TBL1XR1: variants seen among roughly 807,000 people sequenced by gnomAD.
The protein encoded by TBL1XR1 is F-box-like/WD repeat-containing protein TBL1XR1.
Under a neutral mutation model 66.9 loss-of-function variants are expected in TBL1XR1, and 5 were observed. The ratio of observed to expected loss-of-function variants is 0.07; its 90% CI spans 0.04 to 0.16. The LOEUF (loss-of-function observed/expected upper bound fraction) is 0.16, where lower values mean the gene tolerates loss of function less well. Ranked by LOEUF, TBL1XR1 falls within the 10% of genes least tolerant of loss-of-function variation. The probability of loss-of-function intolerance (pLI) is 1.00; values close to 1 mark genes in which losing one functional copy is unlikely to be tolerated. For synonymous variants in TBL1XR1, 210 were observed against 206.0 expected, an observed-to-expected ratio of 1.02 and a Z score of -0.17; for missense variants, 238 against 623.2, an observed-to-expected ratio of 0.38 and a Z score of 6.58.
rs559383327 is a variant in TBL1XR1, at chr3:177,053,681, A to G, written c.204+92T>C. On this transcript the variant is annotated intron_variant, in intron 4 of 15. Transcript: ENST00000457928. ...GCACTTTTGTTAACCCTGTGAAGCT[A>G]AAGTCAGAATACTGAATAAGCAAGC... 7.3e-5 allele frequency: 94 copies of G among 1,281,098 alleles called. 3 individuals carry two copies. The South Asian group carries it at 1.2e-3, about 16-fold the overall frequency. 79.4% of individuals were successfully genotyped at this position (1,281,098 alleles called of 1,614,324 possible). A position where few individuals can be genotyped will look rare whatever the true frequency, so the allele number is the denominator to read the frequency against.
chr3:177,161,539 T>C (rs1732210925), intron 1 of TBL1XR1, among the ~76,000 whole-genome samples: 1 of 152,044 alleles, frequency 6.6e-6, no homozygotes, highest in Non-Finnish European at 1.5e-5. Flanking sequence ...TCCTAGCACT[T>C]TGGGAGGCTG....
In TBL1XR1 at chr3:177,167,938, CA is replaced by C. The variant is rs904594244; in HGVS notation, c.-122+29182del. ...CGAAACACTGTTTCAAAAAAAACAA[CA>C]AAAAAAATAAGTATCTTAAAAAAGT... is the stretch of plus-strand genomic sequence containing the variant. On this transcript the variant is annotated intron_variant, in intron 1 of 15. Transcript: ENST00000457928. Among the ~76,000 whole-genome samples, 24 of 141,078 alleles carry C rather than the reference CA, an allele frequency of 1.7e-4. No homozygotes were observed. In the South Asian group the frequency reaches 5.3e-3, roughly 31 times the overall value. 92.6% of individuals were successfully genotyped at this position (141,078 alleles called of 152,430 possible).
chr3:177,063,805 T>C (rs1560132280), intron 3 of TBL1XR1, among the ~76,000 whole-genome samples: 2 of 152,220 alleles, frequency 1.3e-5, no homozygotes, highest in Non-Finnish European at 2.9e-5. Flanking sequence ...TTTCCCTCCC[T>C]GTCCTTCTGG....
chr3:177,190,598 G>A (rs367946016), intron 1 of TBL1XR1, among the ~76,000 whole-genome samples: 2 of 152,156 alleles, frequency 1.3e-5, no homozygotes, highest in East Asian at 1.9e-4. Flanking sequence ...GATTACAGGC[G>A]TGGGCCACCG....
chr3:177,084,205 A>C lies in TBL1XR1; in HGVS notation c.-46+14261T>G, dbSNP rs575584674. The stretch of plus-strand genomic sequence containing the variant: ...CAAACGTATGTACCTGAGTAACGTA[A>C]ATCCCTAACAGAATACAGAACATTG... On this transcript the variant is annotated intron_variant, in intron 2 of 15. Coordinates refer to ENST00000457928, the MANE Select transcript of TBL1XR1 (RefSeq NM_024665.7). Among the ~76,000 whole-genome samples, 22 of 152,342 alleles carry C rather than the reference A, an allele frequency of 1.4e-4. 2 individuals are homozygous for C. The South Asian group carries it at 4.6e-3, about 32-fold the overall frequency.
At chr3:177,048,958 T>C (rs1716682855) in intron 7 of TBL1XR1, among the ~76,000 whole-genome samples, 1 of 152,162 alleles carries the variant, frequency 6.6e-6, no homozygotes, top group African/African-American at 2.4e-5. Flanking sequence ...TAAGGGCCCA[T>C]ATTAAGAAAA....
chr3:177,104,529 G>A (rs1347205742), intron 1 of TBL1XR1, among the ~76,000 whole-genome samples: 2 of 152,122 alleles, frequency 1.3e-5, no homozygotes, highest in Admixed American at 6.6e-5. Flanking sequence ...AAAGCAGAAG[G>A]AGCTATAACA....
intron 1 of TBL1XR1, among the ~76,000 whole-genome samples, chr3:177,173,597 A>C (rs1275333889): frequency 6.6e-6 from 1 of 152,212 alleles, no homozygotes; most frequent in Non-Finnish European, 1.5e-5. Flanking sequence ...AAGACTGAGA[A>C]ACTGTCACAG....
intron 1 of TBL1XR1, chr3:177,120,633 TC>T (rs769666054): frequency 4.4e-4 from 67 of 152,300 alleles, no homozygotes; most frequent in African/African-American, 1.3e-3. Context: ...CACTCAAACT[TC>T]CTTTTCGCAG....
intron 1 of TBL1XR1, among the ~76,000 whole-genome samples, chr3:177,123,468 AAGAT>A (rs948812516): frequency 6.6e-6 from 1 of 152,072 alleles, no homozygotes; most frequent in African/African-American, 2.4e-5. Flanking sequence ...TTGGGCAAAC[AAGAT>A]AAATATTTTA....
chr3:177,053,230 C>T (rs1717344618), intron 4 of TBL1XR1, among the ~76,000 whole-genome samples: 1 of 152,194 alleles, frequency 6.6e-6, no homozygotes, highest in South Asian at 2.1e-4. Context: ...GTCTCTGTCT[C>T]AACTACTATT....
intron 2 of TBL1XR1, among the ~76,000 whole-genome samples, chr3:177,089,519 G>C (rs1043650366): frequency 6.6e-6 from 1 of 152,168 alleles, no homozygotes; most frequent in Non-Finnish European, 1.5e-5. Flanking sequence ...TAGTCTTTCA[G>C]GCAGTCGGTA....
chr3:177,058,971 T>A (rs997973585), intron 3 of TBL1XR1, among the ~76,000 whole-genome samples: 1 of 152,268 alleles, frequency 6.6e-6, no homozygotes, highest in African/African-American at 2.4e-5. Context: ...AACTGCTTGC[T>A]GTTTATTGTC....
At chr3:177,167,073 T>C (rs1235639288) in intron 1 of TBL1XR1, among the ~76,000 whole-genome samples, 1 of 152,234 alleles carries the variant, frequency 6.6e-6, no homozygotes, top group Non-Finnish European at 1.5e-5. Flanking sequence ...TTATCCATAA[T>C]TGCCAAAACT....
intron 1 of TBL1XR1, among the ~76,000 whole-genome samples, chr3:177,144,049 C>T (rs1311609784): frequency 6.6e-6 from 1 of 151,690 alleles, no homozygotes; most frequent in African/African-American, 2.4e-5. Flanking sequence ...AGTTTAAGAC[C>T]AGCCTGACCA....
In TBL1XR1 at chr3:177,112,108, T is replaced by TATATA. The variant is rs1553846589; in HGVS notation, c.-121-13568_-121-13567insTATAT. Among the ~76,000 whole-genome samples, 127 of 35,636 alleles carry TATATA rather than the reference T, an allele frequency of 3.6e-3. 3 individuals carry two copies. The highest frequency in any genetic ancestry group is 0.014 in the African/African-American group (91 of 6,564). 23.4% of individuals were successfully genotyped at this position (35,636 alleles called of 152,430 possible). A position where few individuals can be genotyped will look rare whatever the true frequency, so the allele number is the denominator to read the frequency against. On this transcript the variant is annotated intron_variant, in intron 1 of 15. Coordinates refer to ENST00000457928, the MANE Select transcript of TBL1XR1 (RefSeq NM_024665.7). ...ATATATATATATATATATATATATA[T>TATATA]TTTTTTTTTTTTTTTTTGTGAGGGG...
chr3:177,034,041 G>A (rs1013566560), intron 13 of TBL1XR1, among the ~76,000 whole-genome samples, 157 bp downstream of exon 13: 16 of 150,140 alleles, frequency 1.1e-4, no homozygotes, highest in African/African-American at 3.7e-4. Context: ...ATTTATTCTT[G>A]TAGCCAAAAA....
chr3:177,187,390 CAAAA>C (rs57592940), intron 1 of TBL1XR1, among the ~76,000 whole-genome samples: 5 of 68,660 alleles, frequency 7.3e-5, no homozygotes, highest in Non-Finnish European at 6.8e-5. Flanking sequence ...GACTCTATCT[CAAAA>C]AAAAAAAAAA....
chr3:177,189,766 T>C (rs1735901311), intron 1 of TBL1XR1, among the ~76,000 whole-genome samples: 1 of 151,906 alleles, frequency 6.6e-6, no homozygotes, highest in Admixed American at 6.6e-5. Context: ...TGAAGGGAGA[T>C]GGTTAAGAGA....
Sources: gnomAD v4.1 joint callset for allele counts (sites outside exome capture counted in the v4.1 genomes callset) on GRCh38, gnomAD v4.1.1 for gene constraint, MANE v1.5 for transcripts, NCBI Gene and HGNC (gene_info 2026-07-23, HGNC 2026-07-21) for gene names.